RALGAPA1: variants seen among roughly 807,000 people sequenced by gnomAD.
RALGAPA1 encodes the protein Ral GTPase activating protein catalytic subunit alpha 1, also known as ral GTPase-activating protein subunit alpha-1.
In RALGAPA1, 52 loss-of-function variants were observed where a neutral mutation model predicts 269.6. That is an observed-to-expected ratio of 0.19 (90% CI 0.15 to 0.24). The LOEUF is 0.24. Among genes scored for constraint, RALGAPA1 ranks in the 10% least tolerant of loss-of-function variants. The pLI, the probability that RALGAPA1 is intolerant of heterozygous loss-of-function variation, is 1.00. For synonymous variants in RALGAPA1, 817 were observed against 1,008.3 expected, an observed-to-expected ratio of 0.81 and a Z score of 3.60; for missense variants, 1,917 against 3,013.9, an observed-to-expected ratio of 0.64 and a Z score of 8.52.
intron 4 of RALGAPA1, chr14:35,766,499 T>C: frequency 7.7e-7 from 1 of 1,301,458 alleles, no homozygotes; most frequent in South Asian, 1.2e-5. Flanking sequence ...ACATTACTTA[T>C]TCAATTGTCT....
intron 31 of RALGAPA1, among the ~76,000 whole-genome samples, chr14:35,635,954 C>T (rs1285602702): frequency 6.6e-6 from 1 of 152,208 alleles, no homozygotes; most frequent in South Asian, 2.1e-4. Context: ...ATTATAATCA[C>T]TTCCACTTTC....
chr14:35,640,087 G>A (rs780417960), intron 31 of RALGAPA1, among the ~76,000 whole-genome samples: 4 of 152,036 alleles, frequency 2.6e-5, no homozygotes, highest in Non-Finnish European at 5.9e-5. Context: ...AGTGAAAGCA[G>A]TACTAAGAGG....
intron 4 of RALGAPA1, among the ~76,000 whole-genome samples, chr14:35,763,377 A>G (rs917361403): frequency 2.0e-5 from 3 of 152,144 alleles, no homozygotes; most frequent in Non-Finnish European, 4.4e-5. Context: ...CTGAGGCCCA[A>G]ATCATATTGT....
At chr14:35,558,470 TA>T (rs2055847213) in intron 39 of RALGAPA1, among the ~76,000 whole-genome samples, 4 of 152,114 alleles carry the variant, frequency 2.6e-5, no homozygotes, top group Admixed American at 6.5e-5. Flanking sequence ...TTTCATCTAA[TA>T]AAAAAATAAG....
At chr14:35,656,588 C>G (rs1252743854) in intron 28 of RALGAPA1, among the ~76,000 whole-genome samples, 2 of 152,126 alleles carry the variant, frequency 1.3e-5, no homozygotes, top group Non-Finnish European at 1.5e-5. Context: ...TATAATGGTT[C>G]TAAGTATCAA....
At chr14:35,721,931 A>G (rs956635608) in intron 15 of RALGAPA1, 82 bp from the exon 16 acceptor site, 1 of 1,190,740 alleles carries the variant, frequency 8.4e-7, no homozygotes. Flanking sequence ...CTTGCCTCAG[A>G]GTCTTAGGTT....
chr14:35,724,419 A>C (rs1270654264), intron 14 of RALGAPA1, among the ~76,000 whole-genome samples: 1 of 152,182 alleles, frequency 6.6e-6, no homozygotes, highest in Admixed American at 6.5e-5. Flanking sequence ...TCATCTTAAA[A>C]AAATTTTTTG....
At chr14:35,742,600 T>G (rs572956689) in intron 10 of RALGAPA1, 35 bp from the exon 11 acceptor site, 1 of 1,481,852 alleles carries the variant, frequency 6.7e-7, no homozygotes, top group African/African-American at 1.4e-5. Flanking sequence ...ATAATGATAC[T>G]TTTTCCTTTG....
chr14:35,604,321 C>T (rs946665310), intron 36 of RALGAPA1, among the ~76,000 whole-genome samples: 5 of 151,890 alleles, frequency 3.3e-5, no homozygotes, highest in African/African-American at 9.7e-5. Context: ...TGATATCTTA[C>T]AGAGTATATT....
chr14:35,595,883 G>T, intron 36 of RALGAPA1, 94 bp from the exon 37 acceptor site: 3 of 979,614 alleles, frequency 3.1e-6, no homozygotes, highest in South Asian at 1.6e-5. Context: ...AAAAAATTGG[G>T]AACAAAGTCT....
At chr14:35,696,575 G>A (rs1223964791) in intron 17 of RALGAPA1, among the ~76,000 whole-genome samples, 1 of 150,144 alleles carries the variant, frequency 6.7e-6, no homozygotes, top group Admixed American at 6.6e-5. Context: ...TTAGAAAACT[G>A]ATGGTCCTTT....
chr14:35,650,229 T>C (rs1243919808), intron 31 of RALGAPA1, among the ~76,000 whole-genome samples: 2 of 150,414 alleles, frequency 1.3e-5, no homozygotes, highest in Non-Finnish European at 3.0e-5. Context: ...CTACTAAAAA[T>C]AAAAAATTAG....
chr14:35,570,274 A>G lies in RALGAPA1; in HGVS notation c.7496+343T>C, dbSNP rs564430006. On this transcript the variant is annotated intron_variant, in intron 39 of 41. Coordinates refer to ENST00000680220, the MANE Select transcript of RALGAPA1 (RefSeq NM_001346249.2). ...GACAAAAGTGAGACTCCATCTCAAAAAAAAAAAAAAAGCATGTGAAAGAAA... is the reference window on the plus strand; with the variant it reads ...GACAAAAGTGAGACTCCATCTCAAAGAAAAAAAAAAAGCATGTGAAAGAAA... 2.2e-4 allele frequency among the ~76,000 whole-genome samples: 34 copies of G among 151,768 alleles called. 1 individual carries two copies. The highest frequency in any genetic ancestry group is 8.5e-4 in the Admixed American group (13 of 15,252).
At position 35,539,607 on chromosome 14, in the gene RALGAPA1, G is replaced by A. The variant is rs1434450316; in HGVS notation, c.*107C>T. On this transcript the variant is annotated 3_prime_UTR_variant, in exon 42 of 42. Transcript: ENST00000680220. The stretch of plus-strand genomic sequence containing the variant: ...ATGGACATGCGGCTTTTGCTAGTTC[G>A]AGGAGACATTGGAGAGGCCAGGTCA... 2 of 1,614,000 alleles carry A rather than the reference G, an allele frequency of 1.2e-6. No individual in the cohort carries two copies. The highest frequency in any genetic ancestry group is 1.1e-5 in the South Asian group (1 of 91,060).
intron 1 of RALGAPA1, among the ~76,000 whole-genome samples, chr14:35,788,398 C>G (rs1423729187): frequency 6.6e-6 from 1 of 152,112 alleles, no homozygotes; most frequent in African/African-American, 2.4e-5. Flanking sequence ...TTTCCATAAA[C>G]TGTGGTTCAA....
intron 1 of RALGAPA1, among the ~76,000 whole-genome samples, chr14:35,800,421 A>C (rs1009245581): frequency 6.6e-6 from 1 of 152,242 alleles, no homozygotes; most frequent in Non-Finnish European, 1.5e-5. Flanking sequence ...TTGAATTAGA[A>C]ATCAACAACC....
At chr14:35,735,890 C>A (rs1276064411) in intron 12 of RALGAPA1, among the ~76,000 whole-genome samples, 3 of 152,116 alleles carry the variant, frequency 2.0e-5, no homozygotes, top group South Asian at 2.1e-4. Flanking sequence ...CTAGTCTATG[C>A]ACCACACTCT....
chr14:35,655,275 A>G (rs539771412), intron 29 of RALGAPA1, among the ~76,000 whole-genome samples: 1 of 152,242 alleles, frequency 6.6e-6, no homozygotes, highest in Admixed American at 6.5e-5. Context: ...GGGTTTTACA[A>G]GTCTTAAAAC....
rs1012008496 is a variant in RALGAPA1, at chr14:35,604,746, G to A, written c.7053+840C>T. Reference sequence around the variant, plus strand: ...TATAATAAATATATGTGCTTTAAGTGTATTTTCATCAAAATCTTGGAGCTA... The same window carrying A: ...TATAATAAATATATGTGCTTTAAGTATATTTTCATCAAAATCTTGGAGCTA... On this transcript the variant is annotated intron_variant, in intron 36 of 41. Coordinates refer to ENST00000680220, the MANE Select transcript of RALGAPA1 (RefSeq NM_001346249.2). 2.8e-4 allele frequency among the ~76,000 whole-genome samples: 42 copies of A among 152,170 alleles called. 1 individual carries two copies. The highest frequency in any genetic ancestry group is 9.1e-4 in the African/African-American group (38 of 41,556).
Sources: gnomAD v4.1 joint callset for allele counts (sites outside exome capture counted in the v4.1 genomes callset) on GRCh38, gnomAD v4.1.1 for gene constraint, MANE v1.5 for transcripts, NCBI Gene and HGNC (gene_info 2026-07-23, HGNC 2026-07-21) for gene names.